Variants in CCDC178 observed in about 807,000 individuals in gnomAD.
CCDC178 encodes the protein coiled-coil domain-containing protein 178.
CCDC178 carries 126 observed loss-of-function variants against 117.4 expected under a neutral mutation model. The ratio of observed to expected loss-of-function variants is 1.07; its 90% confidence interval spans 0.93 to 1.24. The LOEUF (loss-of-function observed/expected upper bound fraction) is 1.24. CCDC178 is among the 50% of genes most tolerant of loss of function. The probability of loss-of-function intolerance (pLI) is 0.00; values close to 1 mark genes in which losing one functional copy is unlikely to be tolerated. For missense variants in CCDC178, 1,030 were observed against 986.9 expected (o/e 1.04, Z -0.59); for synonymous variants, 283 against 313.4 (o/e 0.90, Z 1.02).
At chr18:33,082,560 T>A (rs1465600861) in intron 21 of CCDC178, among the ~76,000 whole-genome samples, 1 of 152,146 alleles carries the variant, frequency 6.6e-6, no homozygotes, top group African/African-American at 2.4e-5. Context: ...TAGTTTAGTA[T>A]AATTGAAATG....
intron 14 of CCDC178, among the ~76,000 whole-genome samples, chr18:33,256,695 C>T (rs938423429): frequency 6.6e-6 from 1 of 151,900 alleles, no homozygotes; most frequent in Middle Eastern, 3.2e-3. Flanking sequence ...TTCTATTTTC[C>T]ACAACTTGAA....
chr18:33,347,786 C>A (rs1286905280), intron 8 of CCDC178, among the ~76,000 whole-genome samples: 1 of 151,972 alleles, frequency 6.6e-6, no homozygotes, highest in Admixed American at 6.6e-5. Flanking sequence ...TATACTATTT[C>A]AATAATAAAT....
chr18:33,222,656 A>G (rs1213769015), intron 18 of CCDC178, among the ~76,000 whole-genome samples: 1 of 152,038 alleles, frequency 6.6e-6, no homozygotes, highest in African/African-American at 2.4e-5. Flanking sequence ...CAACATATGA[A>G]TTTTGGGGGA....
At chr18:33,249,785 T>G (rs1253820232) in intron 14 of CCDC178, among the ~76,000 whole-genome samples, 2 of 152,046 alleles carry the variant, frequency 1.3e-5, no homozygotes. Context: ...TTTAAAGTAG[T>G]TTTTTCCAAT....
chr18:33,214,850 G>A (rs893390397), intron 19 of CCDC178, among the ~76,000 whole-genome samples: 3 of 151,936 alleles, frequency 2.0e-5, no homozygotes, highest in Non-Finnish European at 4.4e-5. Flanking sequence ...TTATGATTTT[G>A]CTAATGCTTG....
In CCDC178 at chr18:33,434,843, G is replaced by C. The variant is rs2064267733; in HGVS notation, c.-23+5119C>G. ...TCTGCTACTTCAGAATCTAGATGTA[G>C]GAGAAGGAAGAGGGAAAAAATATTT... is the stretch of plus-strand genomic sequence containing the variant. On this transcript the variant is annotated intron_variant, in intron 2 of 22. Coordinates refer to ENST00000383096, the MANE Select transcript of CCDC178 (RefSeq NM_001105528.4). Among the ~76,000 whole-genome samples the C allele has an allele frequency of 2.0e-5, 3 of 152,166 alleles. No homozygotes were observed. The South Asian group carries it at 6.2e-4, about 32-fold the overall frequency.
intron 4 of CCDC178, among the ~76,000 whole-genome samples, chr18:33,395,962 G>GA (rs1167649785): frequency 3.8e-4 from 57 of 151,776 alleles, no homozygotes; most frequent in Non-Finnish European, 1.5e-5. Flanking sequence ...GCTTTGACTT[G>GA]AAAAAATAAT....
chr18:33,111,014 A>C (rs1237980641), intron 20 of CCDC178, among the ~76,000 whole-genome samples: 1 of 151,620 alleles, frequency 6.6e-6, no homozygotes, highest in Non-Finnish European at 1.5e-5. Flanking sequence ...CTGAATTTCC[A>C]ATATATAAAT....
At chr18:33,177,521 T>C (rs2058677701) in intron 20 of CCDC178, among the ~76,000 whole-genome samples, 1 of 152,150 alleles carries the variant, frequency 6.6e-6, no homozygotes, top group Non-Finnish European at 1.5e-5. Flanking sequence ...AAACATCTCC[T>C]TTGCTCGTGT....
intron 21 of CCDC178, among the ~76,000 whole-genome samples, chr18:33,060,006 A>G (rs1220652140): frequency 6.6e-6 from 1 of 151,888 alleles, no homozygotes; most frequent in Non-Finnish European, 1.5e-5. Flanking sequence ...ATTTATTTGC[A>G]GCTCTCTCAT....
chr18:33,246,546 T>C (rs2059551088), intron 14 of CCDC178, among the ~76,000 whole-genome samples: 2 of 151,798 alleles, frequency 1.3e-5, no homozygotes, highest in East Asian at 1.9e-4. Flanking sequence ...GAAAGAATGA[T>C]GTAGAAATAA....
intron 21 of CCDC178, among the ~76,000 whole-genome samples, chr18:32,999,738 A>T (rs1242844547): frequency 2.6e-5 from 4 of 152,106 alleles, no homozygotes; most frequent in African/African-American, 9.7e-5. Flanking sequence ...CAAGACCATC[A>T]AGGTGGTACC....
chr18:33,016,376 A>G (rs901097005), intron 21 of CCDC178, among the ~76,000 whole-genome samples: 2 of 152,074 alleles, frequency 1.3e-5, no homozygotes, highest in Non-Finnish European at 2.9e-5. Context: ...GATCTGCTCT[A>G]AAGAGTGCTC....
chr18:32,994,972 A>C (rs1174124951), intron 21 of CCDC178, among the ~76,000 whole-genome samples: 1 of 152,208 alleles, frequency 6.6e-6, no homozygotes, highest in South Asian at 2.1e-4. Flanking sequence ...CTCATTTGAA[A>C]ATAGTATTTT....
At chr18:33,194,750 T>G (rs8088784) in intron 20 of CCDC178, among the ~76,000 whole-genome samples, 10,113 of 151,956 alleles carry the variant, frequency 0.067, 568 homozygotes, top group African/African-American at 0.15. Context: ...TCTGTGATAT[T>G]TGGCTACATG....
intron 21 of CCDC178, among the ~76,000 whole-genome samples, chr18:33,048,476 A>T (rs1290895656): frequency 2.0e-5 from 3 of 152,118 alleles, no homozygotes; most frequent in East Asian, 3.9e-4. Flanking sequence ...TCATTCTTGA[A>T]TTTTTTTTAC....
chr18:33,230,560 T>C (rs1471870891), intron 15 of CCDC178, among the ~76,000 whole-genome samples: 1 of 152,148 alleles, frequency 6.6e-6, no homozygotes, highest in Admixed American at 6.6e-5. Flanking sequence ...TTTTGATCTC[T>C]AGGTTGGGGA....
At chr18:33,217,942 T>C (rs1165986332) in intron 18 of CCDC178, among the ~76,000 whole-genome samples, 6 of 152,086 alleles carry the variant, frequency 3.9e-5, no homozygotes, top group Admixed American at 6.6e-5. Context: ...AACTGTAAGA[T>C]AGAGGTAATA....
intron 21 of CCDC178, among the ~76,000 whole-genome samples, chr18:32,997,163 G>C (rs1310522911): frequency 6.6e-6 from 1 of 152,072 alleles, no homozygotes; most frequent in East Asian, 1.9e-4. Flanking sequence ...TTTGTACTCT[G>C]TGTGTGGGGG....
Sources: gnomAD v4.1 joint callset for allele counts (sites outside exome capture counted in the v4.1 genomes callset) on GRCh38, gnomAD v4.1.1 for gene constraint, MANE v1.5 for transcripts, NCBI Gene and HGNC (gene_info 2026-07-23, HGNC 2026-07-21) for gene names.